LGSN: variants seen among roughly 807,000 people sequenced by gnomAD.
LGSN encodes lengsin.
In LGSN, 21 loss-of-function variants were observed where a neutral mutation model predicts 19.5. The ratio of observed to expected loss-of-function variants is 1.07; its 90% CI spans 0.76 to 1.55. LGSN has a LOEUF of 1.55. Among genes scored for constraint, LGSN ranks in the 40% most tolerant of loss-of-function variants. LGSN has a pLI of 0.00. For synonymous variants in LGSN, 257 were observed against 215.6 expected (o/e 1.19, Z -1.68); for missense variants, 673 against 608.5 (o/e 1.11, Z -1.12).
the LGSN span, among the ~76,000 whole-genome samples, chr6:63,368,426 T>C: frequency 2.0e-3 from 303 of 152,316 alleles, 2 homozygotes; most frequent in Admixed American, 2.7e-3. Context: ...GTTCCAGAAA[T>C]ACAGTCCTGT....
At chr6:63,344,754 G>GAAAAAA in the LGSN span, among the ~76,000 whole-genome samples, 1 of 148,714 alleles carries the variant, frequency 6.7e-6, no homozygotes, top group African/African-American at 2.5e-5. Flanking sequence ...AAAAGAAAAA[G>GAAAAAA]AAAAAAAAAC....
At chr6:63,547,648 G>A in the LGSN span, among the ~76,000 whole-genome samples, 348 of 151,514 alleles carry the variant, frequency 2.3e-3, 2 homozygotes, top group African/African-American at 8.0e-3. Context: ...TGGGACTACA[G>A]GTGCCCACCA....
At chr6:63,511,676 A>T in the LGSN span, among the ~76,000 whole-genome samples, 1 of 152,264 alleles carries the variant, frequency 6.6e-6, no homozygotes, top group Non-Finnish European at 1.5e-5. Flanking sequence ...AATCTAACGT[A>T]TTAAAATTTT....
At chr6:63,548,684 T>C in the LGSN span, 2 of 515,036 alleles carry the variant, frequency 3.9e-6, no homozygotes, top group East Asian at 6.5e-5. Flanking sequence ...TATTTTTATG[T>C]ACAGAAAACT....
chr6:63,346,625 T>C, the LGSN span, among the ~76,000 whole-genome samples: 1 of 152,126 alleles, frequency 6.6e-6, no homozygotes, highest in Non-Finnish European at 1.5e-5. Context: ...GAGGGAGTCA[T>C]GTGAATCCCA....
At chr6:63,515,631 T>G in the LGSN span, among the ~76,000 whole-genome samples, 347 of 152,332 alleles carry the variant, frequency 2.3e-3, 2 homozygotes, top group Middle Eastern at 0.014. Context: ...TGGTATTTAC[T>G]TTTTTATTGA....
At chr6:63,373,451 T>C in the LGSN span, among the ~76,000 whole-genome samples, 2 of 152,166 alleles carry the variant, frequency 1.3e-5, no homozygotes, top group South Asian at 4.1e-4. Flanking sequence ...CCTTACCCGC[T>C]TCTCCTCCAC....
At chr6:63,427,024 C>T in the LGSN span, among the ~76,000 whole-genome samples, 2 of 151,226 alleles carry the variant, frequency 1.3e-5, no homozygotes, top group African/African-American at 2.4e-5. Context: ...GACTGACACC[C>T]GGAAATTTAC....
the LGSN span, among the ~76,000 whole-genome samples, chr6:63,438,450 A>G: frequency 6.6e-6 from 1 of 152,192 alleles, no homozygotes; most frequent in Admixed American, 6.5e-5. Flanking sequence ...TTTGCAACCT[A>G]CTCATCTGAC....
intron 1 of LGSN, among the ~76,000 whole-genome samples, chr6:63,316,728 G>A (rs1768879320): frequency 6.6e-6 from 1 of 151,398 alleles, no homozygotes; most frequent in Non-Finnish European, 1.5e-5. Flanking sequence ...TATTTCAAAG[G>A]TAAAAAGACA....
chr6:63,344,717 TTAG>T, the LGSN span, among the ~76,000 whole-genome samples: 2 of 151,880 alleles, frequency 1.3e-5, no homozygotes, highest in Non-Finnish European at 2.9e-5. Context: ...AAATTGATTA[TTAG>T]TATATAGAAA....
chr6:63,518,413 A>C, the LGSN span, among the ~76,000 whole-genome samples: 1 of 152,202 alleles, frequency 6.6e-6, no homozygotes, highest in African/African-American at 2.4e-5. Flanking sequence ...TTAACTAAAA[A>C]ATTATCATTT....
intron 1 of LGSN, among the ~76,000 whole-genome samples, chr6:63,314,726 A>T (rs1245627915): frequency 1.3e-5 from 2 of 152,178 alleles, no homozygotes; most frequent in African/African-American, 4.8e-5. Context: ...GTTCAGATAG[A>T]GTAGGAATAT....
chr6:63,421,463 C>G, the LGSN span, among the ~76,000 whole-genome samples: 6 of 151,754 alleles, frequency 4.0e-5, no homozygotes, highest in Non-Finnish European at 8.8e-5. Context: ...GGCACAGTGG[C>G]TCATGCCTGT....
the LGSN span, among the ~76,000 whole-genome samples, chr6:63,376,115 A>G: frequency 4.6e-5 from 7 of 152,144 alleles, no homozygotes; most frequent in African/African-American, 1.7e-4. Context: ...CACAGACCTT[A>G]CTTCATACCA....
At chr6:63,387,279 T>C in the LGSN span, among the ~76,000 whole-genome samples, 15 of 152,028 alleles carry the variant, frequency 9.9e-5, no homozygotes, top group African/African-American at 3.6e-4. Flanking sequence ...CAACCAACCA[T>C]AGATCAAAAA....
At chr6:63,350,472 A>T in the LGSN span, among the ~76,000 whole-genome samples, 1 of 152,234 alleles carries the variant, frequency 6.6e-6, no homozygotes, top group Admixed American at 6.5e-5. Flanking sequence ...GGTTGTGAAG[A>T]TTTAAAATTT....
chr6:63,546,717 A>G, the LGSN span, among the ~76,000 whole-genome samples: 1 of 152,160 alleles, frequency 6.6e-6, no homozygotes, highest in African/African-American at 2.4e-5. Context: ...AAAAAAAAAA[A>G]ATAGAGTACA....
chr6:63,475,314 C>CAAA, the LGSN span, among the ~76,000 whole-genome samples: 20 of 99,262 alleles, frequency 2.0e-4, no homozygotes, highest in East Asian at 5.7e-4. Context: ...ATAGATCTGC[C>CAAA]AAAAAAAAAA....
Sources: gnomAD v4.1 joint callset for allele counts (sites outside exome capture counted in the v4.1 genomes callset) on GRCh38, gnomAD v4.1.1 for gene constraint, MANE v1.5 for transcripts, NCBI Gene and HGNC (gene_info 2026-07-23, HGNC 2026-07-21) for gene names.